CFAP20DC: variants seen among roughly 807,000 people sequenced by gnomAD.
The protein encoded by CFAP20DC is protein CFAP20DC.
A neutral mutation model predicts 101.7 loss-of-function variants in CFAP20DC; 84 were observed. That is an observed-to-expected ratio of 0.83 (90% confidence interval 0.69 to 0.99). The LOEUF is 0.99. Ranked by LOEUF, CFAP20DC falls within the 50% of genes least tolerant of loss-of-function variation. The pLI, the probability that CFAP20DC is intolerant of heterozygous loss-of-function variation, is 0.00. For synonymous variants in CFAP20DC, 359 were observed against 351.2 expected (o/e 1.02, Z -0.25); for missense variants, 1,007 against 970.3 (o/e 1.04, Z -0.50).
chr3:58,943,521 A>G (rs576132516), intron 4 of CFAP20DC, among the ~76,000 whole-genome samples: 1 of 152,288 alleles, frequency 6.6e-6, no homozygotes, highest in African/African-American at 2.4e-5. Context: ...AAAGGAATAG[A>G]ATCAACATGA....
At chr3:58,870,920 A>G (rs1445342574) in intron 7 of CFAP20DC, among the ~76,000 whole-genome samples, 128 of 150,328 alleles carry the variant, frequency 8.5e-4, no homozygotes, top group Non-Finnish European at 1.2e-3. Flanking sequence ...AAAAAAAAAA[A>G]AAAAGAAAAA....
At chr3:59,004,359 G>A (rs1406472181) in intron 4 of CFAP20DC, among the ~76,000 whole-genome samples, 1 of 152,172 alleles carries the variant, frequency 6.6e-6, no homozygotes, top group Non-Finnish European at 1.5e-5. Context: ...GAGCATGGAA[G>A]TGTTTTATAA....
At position 58,960,491 on chromosome 3, in the gene CFAP20DC, C is replaced by CA. The variant is rs931283893; in HGVS notation, c.279-22730dup. Reference sequence around the variant, plus strand: ...TGGGTGACACAGCAAGACTCTGTCTCAAAAAAAAAAAAAAAAATTCCTATT... The same window carrying CA: ...TGGGTGACACAGCAAGACTCTGTCTCAAAAAAAAAAAAAAAAAATTCCTATT... On this transcript the variant is annotated intron_variant, in intron 4 of 16. Transcript: ENST00000482387. Among the ~76,000 whole-genome samples, 897 of 96,454 alleles carry CA rather than the reference C, an allele frequency of 9.3e-3. 4 individuals are homozygous for CA. Among genetic ancestry groups the CA allele is most frequent in the African/African-American group, 0.023 (594 of 25,628 alleles). 63.3% of individuals were successfully genotyped at this position (96,454 alleles called of 152,430 possible).
At chr3:58,889,526 T>TTTTTTTTC (rs4020086) in intron 6 of CFAP20DC, among the ~76,000 whole-genome samples, 2 of 150,744 alleles carry the variant, frequency 1.3e-5, no homozygotes, top group Middle Eastern at 3.4e-3. Flanking sequence ...CGCCAATCTT[T>TTTTTTTTC]TTTTTTTCTT....
At chr3:58,764,502 G>T (rs543067311) in intron 15 of CFAP20DC, among the ~76,000 whole-genome samples, 2 of 152,228 alleles carry the variant, frequency 1.3e-5, no homozygotes, top group African/African-American at 4.8e-5. Flanking sequence ...GCGATGCCTC[G>T]CCCTGCTTCA....
At chr3:58,855,842 G>C (rs1474227980) in intron 12 of CFAP20DC, among the ~76,000 whole-genome samples, 21 of 119,828 alleles carry the variant, frequency 1.8e-4, no homozygotes, top group Non-Finnish European at 5.1e-5. Context: ...TTGTGGGGTG[G>C]GGGGAGGGGG....
intron 4 of CFAP20DC, among the ~76,000 whole-genome samples, chr3:59,010,219 T>C (rs2093550366): frequency 6.6e-6 from 1 of 152,016 alleles, no homozygotes. Flanking sequence ...AATACTAACA[T>C]TGAATGTAAC....
chr3:58,785,012 A>G (rs1447831892), intron 15 of CFAP20DC, among the ~76,000 whole-genome samples: 5 of 152,154 alleles, frequency 3.3e-5, no homozygotes, highest in Admixed American at 6.6e-5. Context: ...CACAATAGCA[A>G]AGATAAGGAA....
intron 14 of CFAP20DC, among the ~76,000 whole-genome samples, chr3:58,822,876 C>T (rs891313203): frequency 3.3e-5 from 5 of 152,058 alleles, no homozygotes; most frequent in African/African-American, 9.7e-5. Flanking sequence ...TTCTGAACAC[C>T]CCCTGGAGCA....
Position 58,732,596 on chromosome 3 carries a change from T to C in CFAP20DC, c.198-14968A>G, listed in dbSNP as rs1575518944. Among the ~76,000 whole-genome samples the C allele has an allele frequency of 6.6e-6, 1 of 152,280 alleles. No homozygotes were observed. The highest frequency in any genetic ancestry group is 1.9e-4 in the East Asian group (1 of 5,170). ...TCCAGCTCAGTATTGAAAATGGAAA[T>C]AAAACCGAATGGTGCTAGAATTAGT... On this transcript the variant is annotated intron_variant, in intron 3 of 3. Coordinates refer to the CFAP20DC transcript ENST00000486145. The surrounding 1 kb of genome is among the most constrained non-coding windows in gnomAD (Gnocchi z 5.4).
chr3:58,758,870 T>C (rs923660645), intron 15 of CFAP20DC, among the ~76,000 whole-genome samples: 24 of 152,128 alleles, frequency 1.6e-4, no homozygotes, highest in Non-Finnish European at 1.8e-4. Context: ...CAAGAACTCA[T>C]CCTTTTTTAT....
At chr3:58,850,327 C>A (rs1188897353) in intron 12 of CFAP20DC, among the ~76,000 whole-genome samples, 2 of 152,050 alleles carry the variant, frequency 1.3e-5, no homozygotes, top group African/African-American at 4.8e-5. Context: ...CAGCTTATGC[C>A]TGTAATCCCA....
In CFAP20DC at chr3:58,993,154, G is replaced by A. The variant is rs148113138; in HGVS notation, c.278+46403C>T. Among the ~76,000 whole-genome samples, 371 of 152,168 alleles carry A rather than the reference G, an allele frequency of 2.4e-3. 1 individual carries two copies. Among genetic ancestry groups the A allele is most frequent in the African/African-American group, 8.1e-3 (337 of 41,528 alleles). ...CACAGAGGAAAAAATGAAATATTCCGTATATATTGATTTTCTACATAAACT... is the reference window on the plus strand; with the variant it reads ...CACAGAGGAAAAAATGAAATATTCCATATATATTGATTTTCTACATAAACT... On this transcript the variant is annotated intron_variant, in intron 4 of 16. Transcript: ENST00000482387.
At chr3:58,983,059 G>A (rs555612412) in intron 4 of CFAP20DC, among the ~76,000 whole-genome samples, 5 of 152,220 alleles carry the variant, frequency 3.3e-5, no homozygotes, top group South Asian at 2.1e-4. Context: ...AAAGTGGGGG[G>A]AAAGAATTTG....
chr3:59,039,560 A>G lies in CFAP20DC; in HGVS notation c.275T>C (p.Leu92Ser). The change falls in exon 4 of 17, where the codon TTG becomes TCG. Residue 92 changes from leucine (L) to serine (S), a missense_variant. Coordinates refer to ENST00000482387, the MANE Select transcript of CFAP20DC (RefSeq NM_001394063.1). Reference sequence around the variant, plus strand: ...AAAGAAGTTCTGTATATCTTACAGCAATTCAGTGGAGAAGTCTTGTCCCAG... The same window carrying G: ...AAAGAAGTTCTGTATATCTTACAGCGATTCAGTGGAGAAGTCTTGTCCCAG... ...VPLGQDFSTE[L>S]LITDLGNIKR... is the part of the protein sequence containing the mutation. The G allele has an allele frequency of 6.6e-7, 1 of 1,512,470 alleles. No individual in the cohort carries two copies. The highest frequency in any genetic ancestry group is 8.9e-7 in the Non-Finnish European group (1 of 1,127,882). 93.7% of individuals were successfully genotyped at this position (1,512,470 alleles called of 1,614,324 possible).
chr3:58,936,145 T>C (rs1208112569), intron 5 of CFAP20DC, among the ~76,000 whole-genome samples: 1 of 152,178 alleles, frequency 6.6e-6, no homozygotes, highest in Admixed American at 6.5e-5. Flanking sequence ...AAAGAAGACA[T>C]TTATGCAGCC....
chr3:58,783,639 G>T (rs577937687), intron 15 of CFAP20DC, among the ~76,000 whole-genome samples: 1 of 151,918 alleles, frequency 6.6e-6, no homozygotes, highest in African/African-American at 2.4e-5. Flanking sequence ...CAAAAACCAC[G>T]AATACATATT....
intron 5 of CFAP20DC, among the ~76,000 whole-genome samples, chr3:58,923,886 A>C (rs1342585602): frequency 9.9e-5 from 15 of 152,130 alleles, no homozygotes; most frequent in Admixed American, 9.8e-4. Context: ...ACTGTGTGAT[A>C]CTGTTTCACA....
intron 3 of CFAP20DC, 75 bp downstream of exon 3, chr3:59,046,154 G>A (rs2109312556): frequency 1.0e-6 from 1 of 986,386 alleles, no homozygotes; most frequent in Non-Finnish European, 1.5e-6. Flanking sequence ...TCATACTAAT[G>A]TGCCTGTTTA....
Sources: gnomAD v4.1 joint callset for allele counts (sites outside exome capture counted in the v4.1 genomes callset) on GRCh38, gnomAD v4.1.1 for gene constraint, Gnocchi (gnomAD v3.1) non-coding constraint, MANE v1.5 for transcripts, NCBI Gene and HGNC (gene_info 2026-07-23, HGNC 2026-07-21) for gene names.